Variants in TMEM117 observed in about 807,000 individuals in gnomAD.
The protein encoded by TMEM117 is transmembrane protein 117.
In TMEM117, 27 loss-of-function variants were observed where a neutral mutation model predicts 52.4. The observed-to-expected ratio is 0.51, with a 90% CI of 0.38 to 0.71. The LOEUF is 0.71. Among genes scored for constraint, TMEM117 ranks in the 30% least tolerant of loss-of-function variants. The pLI is 0.00. For missense variants in TMEM117, 556 were observed against 630.5 expected (o/e 0.88, Z 1.26); for synonymous variants, 215 against 206.3 (o/e 1.04, Z -0.36).
intron 3 of TMEM117, among the ~76,000 whole-genome samples, chr12:43,949,673 G>C (rs1235056619): frequency 6.6e-6 from 1 of 152,098 alleles, no homozygotes; most frequent in Non-Finnish European, 1.5e-5. Flanking sequence ...TGGAGAGACT[G>C]TTTAATGACT....
At chr12:43,831,076 G>C (rs1006507556), upstream of TMEM117, among the ~76,000 whole-genome samples, 1 of 152,190 alleles carries the variant, frequency 6.6e-6, no homozygotes, top group Non-Finnish European at 1.5e-5. Flanking sequence ...AATTAGGATT[G>C]TTGAGGAAAA....
chr12:43,889,000 G>T (rs1260295586), intron 2 of TMEM117, among the ~76,000 whole-genome samples: 1 of 152,122 alleles, frequency 6.6e-6, no homozygotes, highest in African/African-American at 2.4e-5. Flanking sequence ...TTTTGTGGAA[G>T]ACAGTTTTTT....
chr12:44,266,684 A>G (rs1592651577), intron 5 of TMEM117, among the ~76,000 whole-genome samples: 1 of 152,274 alleles, frequency 6.6e-6, no homozygotes, highest in East Asian at 1.9e-4. Context: ...TTTAAGAAAC[A>G]GTTGTCTAGC....
At position 43,844,694 on chromosome 12, in the gene TMEM117, C is replaced by T. The variant is rs1270402667; in HGVS notation, c.43C>T (p.Arg15Cys). The change falls in exon 2 of 8, where the codon CGC becomes TGC. Residue 15 changes from arginine (R) to cysteine (C), a missense_variant. Coordinates refer to ENST00000266534, the MANE Select transcript of TMEM117 (RefSeq NM_032256.3). ...TTACTATTTCCAGCATCCCTGGTCT[C>T]GCATGATTGTGGCTTACTTGGTGAT... ...FRYYFQHPWS[R>C]MIVAYLVIFF... 2.2e-5 allele frequency: 35 copies of T among 1,614,024 alleles called. No individual in the cohort carries two copies. The Admixed American group carries it at 5.2e-4, about 24-fold the overall frequency.
At chr12:43,996,761 A>G (rs1262077380) in intron 3 of TMEM117, among the ~76,000 whole-genome samples, 2 of 152,188 alleles carry the variant, frequency 1.3e-5, no homozygotes, top group African/African-American at 4.8e-5. Flanking sequence ...ATCATCTTGT[A>G]TAACCATATC....
intron 4 of TMEM117, among the ~76,000 whole-genome samples, chr12:44,210,101 C>G (rs1038039266): frequency 6.6e-6 from 1 of 152,126 alleles, no homozygotes; most frequent in African/African-American, 2.4e-5. Context: ...CGAAAATTCT[C>G]TCTTACTCAA....
upstream of TMEM117, among the ~76,000 whole-genome samples, chr12:43,835,377 T>C (rs1032650044): frequency 1.3e-5 from 2 of 152,272 alleles, no homozygotes; most frequent in African/African-American, 2.4e-5. Context: ...GATGTACATA[T>C]GTGTGTATGC....
chr12:43,805,723 A>G, the TMEM117 span: 1 of 1,104,618 alleles, frequency 9.1e-7, no homozygotes, highest in Middle Eastern at 2.4e-4. Flanking sequence ...AAAATGCGGG[A>G]GAGTTTTGGG....
intron 5 of TMEM117, among the ~76,000 whole-genome samples, chr12:44,293,055 CT>C (rs201142777): frequency 2.0e-5 from 3 of 151,164 alleles, no homozygotes; most frequent in Non-Finnish European, 3.0e-5. Context: ...ATTGCTGTCT[CT>C]TTTTTTTCAG....
intron 3 of TMEM117, among the ~76,000 whole-genome samples, chr12:44,083,993 T>A (rs1321426696): frequency 6.6e-6 from 1 of 152,194 alleles, no homozygotes; most frequent in Non-Finnish European, 1.5e-5. Flanking sequence ...TGAGCACAAC[T>A]GTTTCAAAAT....
At position 43,935,502 on chromosome 12, in the gene TMEM117, C is replaced by T. The variant is rs545609521; in HGVS notation, c.278-8708C>T. Among the ~76,000 whole-genome samples the T allele has an allele frequency of 4.6e-5, 7 of 152,152 alleles. No homozygotes were observed. In the South Asian group the frequency reaches 6.2e-4, roughly 14 times the overall value. On this transcript the variant is annotated intron_variant, in intron 2 of 7. Coordinates refer to ENST00000266534, the MANE Select transcript of TMEM117 (RefSeq NM_032256.3). ...AAAGAATGTTATCAGTTTGTTACTT[C>T]GGGTTCATTTTATATATTAGAGAAG... is the stretch of plus-strand genomic sequence containing the variant.
At chr12:44,330,490 T>A (rs907267976) in intron 6 of TMEM117, among the ~76,000 whole-genome samples, 1 of 152,166 alleles carries the variant, frequency 6.6e-6, no homozygotes, top group African/African-American at 2.4e-5. Flanking sequence ...TTAACCCAAT[T>A]AAAATATTAT....
At chr12:43,890,720 C>CG (rs907519567) in intron 2 of TMEM117, among the ~76,000 whole-genome samples, 1 of 151,910 alleles carries the variant, frequency 6.6e-6, no homozygotes, top group African/African-American at 2.4e-5. Context: ...TCAGTAGAGA[C>CG]GGGGTTTCAC....
intron 3 of TMEM117, among the ~76,000 whole-genome samples, chr12:44,114,648 C>T (rs1565833531): frequency 6.6e-6 from 1 of 152,104 alleles, no homozygotes; most frequent in Non-Finnish European, 1.5e-5. Flanking sequence ...TCAGTGAGGC[C>T]AATCATACTT....
chr12:44,145,393 C>T (rs1948629285), intron 4 of TMEM117, among the ~76,000 whole-genome samples: 1 of 152,122 alleles, frequency 6.6e-6, no homozygotes, highest in Non-Finnish European at 1.5e-5. Flanking sequence ...ACCTGACCAC[C>T]TATGGTTCGA....
chr12:44,299,810 C>T, intron 6 of TMEM117, 71 bp downstream of exon 6: 1 of 1,532,734 alleles, frequency 6.5e-7, no homozygotes, highest in Admixed American at 1.8e-5. Flanking sequence ...CAGGATATGG[C>T]AACAGGCTCC....
At chr12:43,810,347 G>A in the TMEM117 span, among the ~76,000 whole-genome samples, 1 of 152,106 alleles carries the variant, frequency 6.6e-6, no homozygotes, top group Admixed American at 6.6e-5. Flanking sequence ...CTCTGTCTTT[G>A]CTAGTGATGC....
At chr12:44,042,761 T>TACACACACACACACACAC (rs61350418) in intron 3 of TMEM117, among the ~76,000 whole-genome samples, 1 of 132,074 alleles carries the variant, frequency 7.6e-6, no homozygotes, top group South Asian at 2.7e-4. Flanking sequence ...CTTAATAAAC[T>TACACACACACACACACAC]ACACACACAC....
intron 3 of TMEM117, among the ~76,000 whole-genome samples, chr12:44,058,751 T>G (rs1947094820): frequency 6.6e-6 from 1 of 152,222 alleles, no homozygotes; most frequent in South Asian, 2.1e-4. Flanking sequence ...ATTTTGCTAT[T>G]ACGTTTTGTC....
Sources: gnomAD v4.1 joint callset for allele counts (sites outside exome capture counted in the v4.1 genomes callset) on GRCh38, gnomAD v4.1.1 for gene constraint, MANE v1.5 for transcripts, NCBI Gene and HGNC (gene_info 2026-07-23, HGNC 2026-07-21) for gene names.